The following B3GALT1 variants were observed in gnomAD, a reference collection of about 807,000 sequenced individuals.
B3GALT1 encodes UDP-Gal:betaGlcNAc beta 1,3-galactosyltransferase, polypeptide 1.
B3GALT1 carries 10 observed loss-of-function variants against 23.2 expected under a neutral mutation model. The ratio of observed to expected loss-of-function variants is 0.43; its 90% CI spans 0.27 to 0.73. The LOEUF (loss-of-function observed/expected upper bound fraction) is 0.73, where lower values mean the gene tolerates loss of function less well. Among genes scored for constraint, B3GALT1 ranks in the 30% least tolerant of loss-of-function variants. B3GALT1 has a pLI of 0.21. For missense variants in B3GALT1, 299 were observed against 405.4 expected (o/e 0.74, Z 2.25); for synonymous variants, 156 against 141.5 (o/e 1.10, Z -0.73).
intron 3 of B3GALT1, among the ~76,000 whole-genome samples, chr2:167,768,055 C>T (rs1006642722): frequency 1.3e-5 from 2 of 152,036 alleles, no homozygotes; most frequent in African/African-American, 4.8e-5. Context: ...CCTTTTTGTT[C>T]TATTCAGGCC....
intron 2 of B3GALT1, among the ~76,000 whole-genome samples, chr2:167,558,991 G>A (rs766330022): frequency 3.3e-5 from 5 of 152,206 alleles, no homozygotes; most frequent in Admixed American, 2.0e-4. Flanking sequence ...ATCTGAGAAC[G>A]GGCAGACTGC....
At chr2:167,482,792 A>G (rs1413303080) in intron 1 of B3GALT1, among the ~76,000 whole-genome samples, 1 of 152,056 alleles carries the variant, frequency 6.6e-6, no homozygotes, top group African/African-American at 2.4e-5. Context: ...GTGAGCTGAG[A>G]TGGCGCCACT....
chr2:167,734,161 G>C (rs1234561723), intron 3 of B3GALT1, among the ~76,000 whole-genome samples: 3 of 152,088 alleles, frequency 2.0e-5, no homozygotes, highest in Non-Finnish European at 4.4e-5. Context: ...AAAAAATATT[G>C]GTTGCTATAA....
At position 167,384,566 on chromosome 2, in the gene B3GALT1, T is replaced by C. The variant is rs566604138; in HGVS notation, c.-511+91232T>C. The stretch of plus-strand genomic sequence containing the variant: ...ATTATCCAGTCAGTTGCCCAAGTTA[T>C]ACACCTCTGATTTCTCTCCTCTCCC... On this transcript the variant is annotated intron_variant, in intron 1 of 4. Coordinates refer to ENST00000392690, the MANE Select transcript of B3GALT1 (RefSeq NM_020981.4). Among the ~76,000 whole-genome samples, 9 of 152,272 alleles carry C rather than the reference T, an allele frequency of 5.9e-5. No individual in the cohort carries two copies. In the South Asian group the frequency reaches 1.9e-3, roughly 32 times the overall value.
At chr2:167,855,163 A>G (rs1309383059) in intron 4 of B3GALT1, among the ~76,000 whole-genome samples, 1 of 152,158 alleles carries the variant, frequency 6.6e-6, no homozygotes, top group Non-Finnish European at 1.5e-5. Flanking sequence ...CCCTTAAGCC[A>G]AGGTGAAATG....
chr2:167,464,984 A>T (rs1699322506), intron 1 of B3GALT1, among the ~76,000 whole-genome samples: 1 of 152,204 alleles, frequency 6.6e-6, no homozygotes, highest in East Asian at 1.9e-4. Flanking sequence ...TTAATAATAA[A>T]TAAGTAAATA....
At chr2:167,478,709 G>C (rs4383298) in intron 1 of B3GALT1, among the ~76,000 whole-genome samples, 130,837 of 149,176 alleles carry the variant, frequency 0.88, 57,435 homozygotes, top group East Asian at 0.99. Context: ...AATGCTATTC[G>C]TCCCTCCTCC....
intron 1 of B3GALT1, among the ~76,000 whole-genome samples, chr2:167,364,934 T>G (rs1049398225): frequency 6.6e-6 from 1 of 152,182 alleles, no homozygotes; most frequent in Admixed American, 6.5e-5. Flanking sequence ...ATAAACAAAA[T>G]AGAGGGCCTT....
chr2:167,527,929 G>C (rs1449475288), intron 2 of B3GALT1, among the ~76,000 whole-genome samples: 2 of 152,112 alleles, frequency 1.3e-5, no homozygotes, highest in Admixed American at 1.3e-4. Context: ...TTTCAAGAAG[G>C]GAGCAATTCA....
At chr2:167,613,109 G>A (rs1277143711) in intron 2 of B3GALT1, among the ~76,000 whole-genome samples, 1 of 151,836 alleles carries the variant, frequency 6.6e-6, no homozygotes, top group Non-Finnish European at 1.5e-5. Context: ...GAGGAAAAAG[G>A]GAGCTAGGGC....
At chr2:167,676,179 A>G (rs1008791153) in intron 3 of B3GALT1, among the ~76,000 whole-genome samples, 1 of 151,878 alleles carries the variant, frequency 6.6e-6, no homozygotes, top group Non-Finnish European at 1.5e-5. Flanking sequence ...TTCCTCTCAC[A>G]CACGCTGTTC....
At chr2:167,499,551 C>G (rs1030231581) in intron 2 of B3GALT1, among the ~76,000 whole-genome samples, 5 of 152,110 alleles carry the variant, frequency 3.3e-5, no homozygotes, top group African/African-American at 1.2e-4. Context: ...GCAAATCTGG[C>G]AACACTAGAA....
chr2:167,552,957 A>G (rs1391998797), intron 2 of B3GALT1, among the ~76,000 whole-genome samples: 1 of 152,084 alleles, frequency 6.6e-6, no homozygotes, highest in Non-Finnish European at 1.5e-5. Context: ...CTGATTCCTT[A>G]ATAGGAGTTT....
chr2:167,350,654 C>G (rs754550210), intron 1 of B3GALT1, among the ~76,000 whole-genome samples: 7 of 152,200 alleles, frequency 4.6e-5, no homozygotes, highest in East Asian at 1.9e-4. Flanking sequence ...GGTCATCTCC[C>G]AGGATTCTGT....
chr2:167,577,571 C>T (rs1209315707), intron 2 of B3GALT1, among the ~76,000 whole-genome samples: 1 of 151,826 alleles, frequency 6.6e-6, no homozygotes, highest in African/African-American at 2.4e-5. Context: ...CAGTTGATCA[C>T]TTACCCCATG....
chr2:167,524,942 A>G (rs564448915), intron 2 of B3GALT1, among the ~76,000 whole-genome samples: 5 of 152,358 alleles, frequency 3.3e-5, no homozygotes, highest in South Asian at 2.1e-4. Flanking sequence ...GCTTTAGTCC[A>G]TAATACTGGA....
At chr2:167,583,076 G>T in intron 2 of B3GALT1, among the ~76,000 whole-genome samples, 1 of 152,130 alleles carries the variant, frequency 6.6e-6, no homozygotes, top group East Asian at 1.9e-4. Flanking sequence ...GGCCCATGAG[G>T]GAGAGGGACA....
chr2:167,728,122 C>T (rs755060376), intron 3 of B3GALT1, among the ~76,000 whole-genome samples: 25 of 152,166 alleles, frequency 1.6e-4, no homozygotes, highest in Non-Finnish European at 3.2e-4. Flanking sequence ...TATGGTGGCT[C>T]ATGCCTATAA....
In B3GALT1 at chr2:167,701,977, G is replaced by T. The variant is rs564179560; in HGVS notation, c.-352+55011G>T. ...ACTAAAATTTGGCGTGTCAGCTACCGCCCTGAGTTAAGTTTGAGTTTTAAA... is the reference window on the plus strand; with the variant it reads ...ACTAAAATTTGGCGTGTCAGCTACCTCCCTGAGTTAAGTTTGAGTTTTAAA... On this transcript the variant is annotated intron_variant, in intron 3 of 4. Transcript: ENST00000392690. Among the ~76,000 whole-genome samples the T allele has an allele frequency of 3.9e-5, 6 of 152,220 alleles. No homozygotes were observed. In the East Asian group the frequency reaches 7.7e-4, roughly 20 times the overall value.
Sources: gnomAD v4.1 joint callset for allele counts (sites outside exome capture counted in the v4.1 genomes callset) on GRCh38, gnomAD v4.1.1 for gene constraint, MANE v1.5 for transcripts, NCBI Gene and HGNC (gene_info 2026-07-23, HGNC 2026-07-21) for gene names.